Variants in COL9A3 observed in about 807,000 individuals in gnomAD.
COL9A3 encodes the protein collagen type IX alpha 3 chain.
A neutral mutation model predicts 110.2 loss-of-function variants in COL9A3; 82 were observed. The ratio of observed to expected loss-of-function variants is 0.74; its 90% confidence interval spans 0.62 to 0.89. The LOEUF (loss-of-function observed/expected upper bound fraction) is 0.89. Ranked by LOEUF, COL9A3 falls within the 40% of genes least tolerant of loss-of-function variation. COL9A3 has a pLI of 0.00. For synonymous variants in COL9A3, 494 were observed against 403.8 expected (o/e 1.22, Z -2.68); for missense variants, 1,066 against 981.3 (o/e 1.09, Z -1.15).
chr20:62,826,586 C>T (rs929216026), intron 14 of COL9A3, among the ~76,000 whole-genome samples, 181 bp from the exon 15 acceptor site: 1 of 152,182 alleles, frequency 6.6e-6, no homozygotes, highest in Non-Finnish European at 1.5e-5. Context: ...GCTGTTGTGG[C>T]TTAGGCCAGA....
At position 62,819,280 on chromosome 20, in the gene COL9A3, T is replaced by A; in HGVS notation, c.242T>A (p.Leu81Gln). Reference sequence around the variant, plus strand: ...CCAGGAGAGGCTGGGCTGCCGGGACTGCCGGGTGTGGATGTGAGTGCGCCT... The same window carrying A: ...CCAGGAGAGGCTGGGCTGCCGGGACAGCCGGGTGTGGATGTGAGTGCGCCT... ...GKPGEAGLPG[L>Q]PGVDGLTGRD... The change falls in exon 4 of 32, where the codon CTG becomes CAG. Residue 81 changes from leucine to glutamine, a missense_variant. Leu to Gln is a moderately radical substitution (Grantham distance 113). Coordinates refer to ENST00000649368, the MANE Select transcript of COL9A3 (RefSeq NM_001853.4). 1.2e-6 allele frequency: 2 copies of A among 1,611,222 alleles called. No homozygotes were observed. Among genetic ancestry groups the A allele is most frequent in the Non-Finnish European group, 1.7e-6 (2 of 1,179,610 alleles).
intron 11 of COL9A3, 151 bp downstream of exon 11, chr20:62,824,652 C>G (rs1391089991): frequency 1.2e-6 from 1 of 851,668 alleles, no homozygotes. Flanking sequence ...CCTCCTTGTC[C>G]CGCCTTCAGC....
chr20:62,828,845 G>C, intron 18 of COL9A3, 28 bp downstream of exon 18: 1 of 1,612,822 alleles, frequency 6.2e-7, no homozygotes, highest in Non-Finnish European at 8.5e-7. Flanking sequence ...GGTGTGACGG[G>C]AGGGAGGGGG....
At chr20:62,837,402 G>C in intron 30 of COL9A3, 137 bp downstream of exon 30, 2 of 884,288 alleles carry the variant, frequency 2.3e-6, no homozygotes, top group Non-Finnish European at 3.6e-6. Flanking sequence ...TCATGTTTTG[G>C]GGCCTAGCGC....
intron 9 of COL9A3, 102 bp from the exon 10 acceptor site, chr20:62,822,489 G>A: frequency 1.6e-6 from 2 of 1,262,480 alleles, no homozygotes; most frequent in Non-Finnish European, 2.3e-6. Context: ...TCCCCTGGTG[G>A]ATGGGGAAGG....
chr20:62,831,944 C>T, intron 24 of COL9A3: 1 of 638,418 alleles, frequency 1.6e-6, no homozygotes, highest in Non-Finnish European at 2.9e-6. Flanking sequence ...TCACTACCCA[C>T]AAGGGGAGGC....
At position 62,830,646 on chromosome 20, in the gene COL9A3, T is replaced by C. The variant is rs1600803509; in HGVS notation, c.1287+58T>C. ...CACCCCCTCTACCCATGTACCACAG[T>C]CCCCCACCCCCATGACAGTCCCCCA... On this transcript the variant is annotated intron_variant, in intron 24 of 31. Coordinates refer to ENST00000649368, the MANE Select transcript of COL9A3 (RefSeq NM_001853.4). 2.3e-4 allele frequency: 153 copies of C among 657,526 alleles called. 1 individual carries two copies. Among genetic ancestry groups the C allele is most frequent in the South Asian group, 9.7e-4 (50 of 51,366 alleles). 40.7% of individuals were successfully genotyped at this position (657,526 alleles called of 1,614,324 possible).
At position 62,836,525 on chromosome 20, in the gene COL9A3, G is replaced by A. The variant is rs890502456; in HGVS notation, c.1596G>A (p.Met532Ile). The stretch of plus-strand genomic sequence containing the variant: ...GCATCAGGGAGCTGTGTGGGGGGAT[G>A]ATCAGCGGTAAGTCAGCCACGTGCA... ...EQRIRELCGG[M>I]ISEQIAQLAA... The change falls in exon 29 of 32, where the codon ATG becomes ATA. Residue 532 changes from methionine (M) to isoleucine (I), a missense_variant. Transcript: ENST00000649368. The A allele has an allele frequency of 1.2e-6, 2 of 1,611,252 alleles. No individual in the cohort carries two copies. Among genetic ancestry groups the A allele is most frequent in the African/African-American group, 2.7e-5 (2 of 74,916 alleles).
intron 30 of COL9A3, 101 bp from the exon 31 acceptor site, chr20:62,838,583 A>G (rs2063652561): frequency 1.8e-6 from 2 of 1,101,726 alleles, no homozygotes; most frequent in Non-Finnish European, 2.7e-6. Context: ...ACTTCAGTGA[A>G]AAGCTGGCAC....
chr20:62,836,197 G>C lies in COL9A3; in HGVS notation c.1412G>C (p.Arg471Pro). The C allele has an allele frequency of 1.2e-6, 2 of 1,613,402 alleles. No homozygotes were observed. The highest frequency in any genetic ancestry group is 2.2e-5 in the South Asian group (2 of 91,072). ...TCTGTTCCTCTGCAGTCTGGCAGTC[G>C]AGGGGAGCTGGGCCCCAAAGGCACC... ...LVGPKGESGS[R>P]GELGPKGTQG... Residue 471 changes from arginine to proline, a missense_variant, in exon 28 of 32, where the codon CGA (arginine) becomes CCA (proline). Coordinates refer to ENST00000649368, the MANE Select transcript of COL9A3 (RefSeq NM_001853.4).
intron 10 of COL9A3, among the ~76,000 whole-genome samples, chr20:62,822,943 G>A (rs184488308): frequency 6.6e-6 from 1 of 152,236 alleles, no homozygotes; most frequent in Non-Finnish European, 1.5e-5. Flanking sequence ...GCTCCCCTGC[G>A]TCATCCGCAG....
Position 62,838,564 on chromosome 20 carries a change from A to T in COL9A3, c.1787-120A>T. On this transcript the variant is annotated intron_variant, in intron 30 of 31. Coordinates refer to ENST00000649368, the MANE Select transcript of COL9A3 (RefSeq NM_001853.4). ...CGCGTGTGACATCTGTACTTTTCTA[A>T]ATGTTTCCACTTCAGTGAAAAGCTG... is the stretch of plus-strand genomic sequence containing the variant. 8.5e-6 allele frequency: 8 copies of T among 941,338 alleles called. No homozygotes were observed. In the South Asian group the frequency reaches 1.1e-4, roughly 13 times the overall value. 58.3% of individuals were successfully genotyped at this position (941,338 alleles called of 1,614,324 possible). A position where few individuals can be genotyped will look rare whatever the true frequency, so the allele number is the denominator to read the frequency against.
At chr20:62,817,725 A>C in intron 2 of COL9A3, 90 bp downstream of exon 2, 1 of 877,768 alleles carries the variant, frequency 1.1e-6, no homozygotes, top group East Asian at 2.8e-5. Flanking sequence ...ATGGAGAGAA[A>C]ACCAGGCCCC....
intron 26 of COL9A3, 48 bp from the exon 27 acceptor site, chr20:62,835,873 C>A: frequency 6.2e-7 from 1 of 1,608,684 alleles, no homozygotes; most frequent in Non-Finnish European, 8.5e-7. Context: ...TACTTCCCAC[C>A]CACCCAACAA....
chr20:62,830,985 C>T (rs577732633), intron 24 of COL9A3, among the ~76,000 whole-genome samples: 1 of 151,870 alleles, frequency 6.6e-6, no homozygotes, highest in East Asian at 2.0e-4. Context: ...CTGGGCCGCT[C>T]TGCCTCCTGC....
chr20:62,818,367 A>G, intron 2 of COL9A3, 151 bp from the exon 3 acceptor site: 2 of 770,956 alleles, frequency 2.6e-6, no homozygotes, highest in Non-Finnish European at 4.6e-6. Context: ...GGTGCCCTCT[A>G]GGTAGGGATC....
At position 62,838,846 on chromosome 20, in the gene COL9A3, G is replaced by A. The variant is rs1368967684; in HGVS notation, c.1864+85G>A. On this transcript the variant is annotated intron_variant, in intron 31 of 31. Coordinates refer to ENST00000649368, the MANE Select transcript of COL9A3 (RefSeq NM_001853.4). ...TTTATGTGGGGCGTGCTTGGGTTATGAATGGGTCTCTTTTCCTCTTCTCTT... is the reference window on the plus strand; with the variant it reads ...TTTATGTGGGGCGTGCTTGGGTTATAAATGGGTCTCTTTTCCTCTTCTCTT... 38 of 1,085,326 alleles carry A rather than the reference G, an allele frequency of 3.5e-5. No homozygotes were observed. In the Admixed American group the frequency reaches 7.1e-4, roughly 20 times the overall value. The allele number at this position is 1,085,326 out of a possible 1,614,324, so 67.2% of individuals were successfully genotyped here.
chr20:62,820,712 C>T (rs1349011412), intron 5 of COL9A3, among the ~76,000 whole-genome samples: 1 of 152,130 alleles, frequency 6.6e-6, no homozygotes, highest in Non-Finnish European at 1.5e-5. Context: ...CCTCCAGCCT[C>T]AGCACAGGGC....
chr20:62,826,158 G>T (rs771951025), intron 13 of COL9A3, 46 bp from the exon 14 acceptor site: 16 of 1,541,972 alleles, frequency 1.0e-5, no homozygotes, highest in Non-Finnish European at 1.4e-5. Flanking sequence ...GCTCCCCGGG[G>T]TGGAGGTGCA....
Sources: gnomAD v4.1 joint callset for allele counts (sites outside exome capture counted in the v4.1 genomes callset) on GRCh38, gnomAD v4.1.1 for gene constraint, MANE v1.5 for transcripts, NCBI Gene and HGNC (gene_info 2026-07-23, HGNC 2026-07-21) for gene names.